The following TBL1X variants were observed in gnomAD, a reference collection of about 807,000 sequenced individuals.
TBL1X encodes the protein transducin beta like 1 X-linked, also known as F-box-like/WD repeat-containing protein TBL1X.
TBL1X carries 10 observed loss-of-function variants against 50.7 expected under a neutral mutation model. That is an observed-to-expected ratio of 0.20 (90% CI 0.12 to 0.33). TBL1X has a LOEUF of 0.33. Ranked by LOEUF, TBL1X falls within the 10% of genes least tolerant of loss-of-function variation. TBL1X has a pLI of 1.00. For missense variants in TBL1X, 340 were observed against 504.4 expected (o/e 0.67, Z 3.12); for synonymous variants, 190 against 214.7 (o/e 0.88, Z 1.01).
intron 1 of TBL1X, among the ~76,000 whole-genome samples, chrX:9,493,552 G>A (rs1011064551): frequency 9.0e-6 from 1 of 111,104 alleles, no homozygotes; most frequent in Non-Finnish European, 1.9e-5. Context: ...GCTTGGACCC[G>A]TGAGTTGGAG....
At chrX:9,592,459 G>T (rs1467236201) in intron 2 of TBL1X, among the ~76,000 whole-genome samples, 3 of 111,329 alleles carry the variant, frequency 2.7e-5, no homozygotes, top group African/African-American at 9.8e-5. Flanking sequence ...TGCATATTCT[G>T]TTTTTTTTAT....
intron 13 of TBL1X, among the ~76,000 whole-genome samples, chrX:9,708,328 G>A (rs1469044209): frequency 1.8e-5 from 2 of 112,270 alleles, no homozygotes; most frequent in East Asian, 2.8e-4. Flanking sequence ...TGCCGATCAC[G>A]AGCCCCCAGC....
At chrX:9,540,007 A>T (rs1010954496) in intron 2 of TBL1X, among the ~76,000 whole-genome samples, 1 of 112,834 alleles carries the variant, frequency 8.9e-6, no homozygotes, top group Non-Finnish European at 1.9e-5. Context: ...CAGGTGCAGA[A>T]TAACCTGTGT....
At chrX:9,504,784 C>T (rs1008605794) in intron 2 of TBL1X, among the ~76,000 whole-genome samples, 2 of 111,739 alleles carry the variant, frequency 1.8e-5, no homozygotes, top group African/African-American at 6.5e-5. Flanking sequence ...AAAGAATGAA[C>T]AAAGCCTACC....
chrX:9,604,962 A>C (rs980049758), intron 2 of TBL1X, among the ~76,000 whole-genome samples: 40 of 111,417 alleles, frequency 3.6e-4, no homozygotes, highest in African/African-American at 1.2e-3. Flanking sequence ...ACATCTTTCA[A>C]GACACTGTGG....
chrX:9,539,920 G>C lies in TBL1X; in HGVS notation c.-131+38071G>C, dbSNP rs1161446884. 1.1e-4 allele frequency among the ~76,000 whole-genome samples: 12 copies of C among 112,535 alleles called. No individual in the cohort carries two copies. The Admixed American group carries it at 1.1e-3, about 11-fold the overall frequency. On this transcript the variant is annotated intron_variant, in intron 2 of 17. Transcript: ENST00000645353. ...TAGACTAACCCAGTGACTCAGAAAT[G>C]TGCCACAGGACTTATTTGGCTCTAG...
chrX:9,491,327 TATATATA>T (rs1283314303), intron 1 of TBL1X, among the ~76,000 whole-genome samples: 840 of 30,088 alleles, frequency 0.028, 22 homozygotes, highest in African/African-American at 0.089. Context: ...TATATATATA[TATATATA>T]TATATTTTTT....
chrX:9,672,987 G>A (rs1285085321), intron 5 of TBL1X, among the ~76,000 whole-genome samples: 3 of 111,905 alleles, frequency 2.7e-5, no homozygotes, highest in African/African-American at 9.7e-5. Flanking sequence ...CTGGTTCATA[G>A]ATGGCGCCTT....
intron 2 of TBL1X, among the ~76,000 whole-genome samples, chrX:9,630,425 C>T (rs1199162867): frequency 3.6e-5 from 4 of 111,185 alleles, no homozygotes; most frequent in Admixed American, 2.9e-4. Context: ...TACCAAAATC[C>T]AGGGAGGCGC....
chrX:9,678,987 T>C (rs2083009921), intron 5 of TBL1X, among the ~76,000 whole-genome samples: 1 of 110,957 alleles, frequency 9.0e-6, no homozygotes, highest in African/African-American at 3.3e-5. Context: ...CTTTATAAAA[T>C]GTCATCCTTT....
chrX:9,691,624 C>T lies in TBL1X; in HGVS notation c.662C>T (p.Pro221Leu). ...PMEIDGEVEI[P>L]SSKATVLRGH... The stretch of plus-strand genomic sequence containing the variant: ...GAAATAGATGGAGAGGTTGAGATTC[C>T]ATCCAGCAAAGCCACAGTCCTTCGG... The change falls in exon 8 of 18, where the codon CCA (proline) becomes CTA (leucine). Residue 221 changes from proline (P) to leucine (L), a missense_variant. Transcript: ENST00000645353. 1 of 1,210,990 alleles carries T rather than the reference C, an allele frequency of 8.3e-7. No homozygotes were observed. The highest frequency in any genetic ancestry group is 1.7e-5 in the African/African-American group (1 of 57,605).
intron 2 of TBL1X, among the ~76,000 whole-genome samples, chrX:9,568,984 G>A (rs1191221422): frequency 9.1e-6 from 1 of 109,706 alleles, no homozygotes; most frequent in Non-Finnish European, 1.9e-5. Flanking sequence ...AGTGTGCTCT[G>A]TGCGGTGTGC....
intron 2 of TBL1X, among the ~76,000 whole-genome samples, chrX:9,531,769 G>T (rs1282514631): frequency 1.8e-5 from 2 of 108,384 alleles, no homozygotes; most frequent in Non-Finnish European, 3.8e-5. Context: ...GTCTCATTCT[G>T]TCGCCCAGAC....
intron 6 of TBL1X, among the ~76,000 whole-genome samples, chrX:9,687,709 C>T (rs992104590): frequency 9.6e-6 from 1 of 104,007 alleles, no homozygotes; most frequent in Non-Finnish European, 2.0e-5. Context: ...ATTGTGCCAT[C>T]AGGGATAGCA....
chrX:9,577,205 C>A (rs1191562809), intron 2 of TBL1X, among the ~76,000 whole-genome samples: 1 of 111,869 alleles, frequency 8.9e-6, no homozygotes, highest in South Asian at 3.7e-4. Flanking sequence ...ATAGGACTGC[C>A]CTGTGAACAT....
chrX:9,470,054 C>A (rs11797801), intron 1 of TBL1X, among the ~76,000 whole-genome samples: 40,838 of 111,459 alleles, frequency 0.37, 5,573 homozygotes, highest in South Asian at 0.53. Flanking sequence ...AGTGGAAAAA[C>A]ATCAGGTGTG....
At chrX:9,620,555 G>A (rs906986809) in intron 2 of TBL1X, among the ~76,000 whole-genome samples, 1 of 112,167 alleles carries the variant, frequency 8.9e-6, no homozygotes, top group African/African-American at 3.2e-5. Context: ...GAAGACTCCT[G>A]TGAGGAAGAG....
In TBL1X at chrX:9,545,465, T is replaced by C. The variant is rs150550394; in HGVS notation, c.-131+43616T>C. ...GAGAGGCTGAGGTGGGAGGATTGCTTGAGCCCAGGAGTTCAAGGCTTGTGA... is the reference window on the plus strand; with the variant it reads ...GAGAGGCTGAGGTGGGAGGATTGCTCGAGCCCAGGAGTTCAAGGCTTGTGA... On this transcript the variant is annotated intron_variant, in intron 2 of 17. Transcript: ENST00000645353. 8.6e-3 allele frequency among the ~76,000 whole-genome samples: 937 copies of C among 108,512 alleles called. 9 individuals are homozygous for C. Among genetic ancestry groups the C allele is most frequent in the African/African-American group, 0.03 (886 of 29,819 alleles). 94.2% of individuals were successfully genotyped at this position (108,512 alleles called of 115,157 possible). A position where few individuals can be genotyped will look rare whatever the true frequency, so the allele number is the denominator to read the frequency against.
chrX:9,682,840 G>A (rs1173705158), intron 5 of TBL1X, among the ~76,000 whole-genome samples: 4 of 111,839 alleles, frequency 3.6e-5, no homozygotes, highest in Non-Finnish European at 7.5e-5. Flanking sequence ...GCTGCTTTCC[G>A]AACTCCCTGC....
Sources: allele counts gnomAD v4.1 joint callset (sites outside exome capture counted in the v4.1 genomes callset), GRCh38; gene constraint gnomAD v4.1.1; transcripts MANE v1.5; gene names NCBI Gene and HGNC (gene_info 2026-07-23, HGNC 2026-07-21).